AREG: variants seen among roughly 807,000 people sequenced by gnomAD.
The protein encoded by AREG is amphiregulin.
In AREG, 16 loss-of-function variants were observed where a neutral mutation model predicts 28.0. The observed-to-expected ratio is 0.57, with a 90% CI of 0.39 to 0.87. The LOEUF is 0.87. Ranked by LOEUF, AREG falls within the 40% of genes least tolerant of loss-of-function variation. The pLI is 0.00. For missense variants in AREG, 287 were observed against 309.1 expected (o/e 0.93, Z 0.53); for synonymous variants, 113 against 113.5 (o/e 1.00, Z 0.02).
At chr4:74,451,614 C>CT (rs917966687) in intron 4 of AREG, among the ~76,000 whole-genome samples, 1 of 152,126 alleles carries the variant, frequency 6.6e-6, no homozygotes, top group Non-Finnish European at 1.5e-5. Context: ...AGAATTTGTC[C>CT]TGGTTTTCTA....
chr4:74,446,689 A>G lies in AREG; in HGVS notation c.217A>G (p.Ser73Gly). ...CCCTGTGAGTGAAATGCCTTCTAGTAGTGAACCGTCCTCGGGAGCCGACTA... is the reference window on the plus strand; with the variant it reads ...CCCTGTGAGTGAAATGCCTTCTAGTGGTGAACCGTCCTCGGGAGCCGACTA... ...ISPVSEMPSS[S>G]EPSSGADYDY... Residue 73 changes from serine (S) to glycine (G), a missense_variant, in exon 2 of 6, where the codon AGT (serine) becomes GGT (glycine). By Grantham distance (56) the Ser-to-Gly change is moderately conservative. Transcript: ENST00000395748. 1 of 1,613,948 alleles carries G rather than the reference A, an allele frequency of 6.2e-7. No homozygotes were observed. Among genetic ancestry groups the G allele is most frequent in the Non-Finnish European group, 8.5e-7 (1 of 1,179,848 alleles).
In AREG at chr4:74,445,220, C is replaced by A; in HGVS notation, c.-126C>A. 6.6e-7 allele frequency: 1 copy of A among 1,522,842 alleles called. No individual in the cohort carries two copies. The highest frequency in any genetic ancestry group is 8.8e-7 in the Non-Finnish European group (1 of 1,130,622). The allele number at this position is 1,522,842 out of a possible 1,614,324, so 94.3% of individuals were successfully genotyped here. A position where few individuals can be genotyped will look rare whatever the true frequency, so the allele number is the denominator to read the frequency against. On this transcript the variant is annotated 5_prime_UTR_variant, in exon 1 of 6. Coordinates refer to ENST00000395748, the MANE Select transcript of AREG (RefSeq NM_001657.4). ...CGCCCGCCGCCCCGAGCTCCCCAAG[C>A]CTTCGAGAGCGGCGCACACTCCCGG... is the stretch of plus-strand genomic sequence containing the variant.
At position 74,445,341 on chromosome 4, in the gene AREG, G is replaced by A. The variant is rs545611903; in HGVS notation, c.-5G>A. Reference sequence around the variant, plus strand: ...AGACCGAGACGCCGCCGCTGCGAAGGACCAATGAGAGCCCCGCTGCTACCG... The same window carrying A: ...AGACCGAGACGCCGCCGCTGCGAAGAACCAATGAGAGCCCCGCTGCTACCG... On this transcript the variant is annotated 5_prime_UTR_variant, in exon 1 of 6. Transcript: ENST00000395748. 947 of 1,610,180 alleles carry A rather than the reference G, an allele frequency of 5.9e-4. 12 individuals are homozygous for A. The East Asian group carries it at 0.02, about 35-fold the overall frequency.
intron 4 of AREG, among the ~76,000 whole-genome samples, chr4:74,452,044 C>A (rs926650497): frequency 6.6e-6 from 1 of 151,934 alleles, no homozygotes; most frequent in Middle Eastern, 3.2e-3. Context: ...TATACAACAA[C>A]AAGAAGTTTT....
chr4:74,446,904 G>GC, intron 2 of AREG, 122 bp downstream of exon 2: 1 of 1,588,706 alleles, frequency 6.3e-7, no homozygotes, highest in Non-Finnish European at 8.6e-7. Context: ...CTGTTGGATA[G>GC]CCCCTAGGTA....
intron 5 of AREG, among the ~76,000 whole-genome samples, chr4:74,453,990 A>G (rs1297074459): frequency 6.6e-6 from 1 of 152,050 alleles, no homozygotes; most frequent in Non-Finnish European, 1.5e-5. Context: ...CCAGCCCTAA[A>G]TCTACTGAAT....
chr4:74,445,670 C>G (rs969880498), intron 1 of AREG, among the ~76,000 whole-genome samples: 3 of 152,168 alleles, frequency 2.0e-5, no homozygotes, highest in Admixed American at 6.5e-5. Context: ...CCTAACCCTT[C>G]GTTTCACAGA....
chr4:74,451,083 G>A (rs978637210), intron 4 of AREG, among the ~76,000 whole-genome samples: 43 of 152,222 alleles, frequency 2.8e-4, no homozygotes, highest in Non-Finnish European at 5.4e-4. Flanking sequence ...TGTTACTATC[G>A]AATATGAGAA....
rs927570465 is a variant in AREG, at chr4:74,446,794, A to T, written c.310+12A>T. ...TGATTCAGTCAGAGGTGAGTAGGGGATAAAGCAAAAATATGGCCTGTGAGA... is the reference window on the plus strand; with the variant it reads ...TGATTCAGTCAGAGGTGAGTAGGGGTTAAAGCAAAAATATGGCCTGTGAGA... On this transcript the variant is annotated intron_variant, in intron 2 of 5. Transcript: ENST00000395748. The T allele has an allele frequency of 1.2e-6, 2 of 1,613,842 alleles. No homozygotes were observed. The highest frequency in any genetic ancestry group is 1.7e-6 in the Non-Finnish European group (2 of 1,179,864).
At chr4:74,446,854 A>G (rs940424838) in intron 2 of AREG, 72 bp downstream of exon 2, 46 of 1,611,886 alleles carry the variant, frequency 2.9e-5, no homozygotes, top group Non-Finnish European at 3.7e-5. Context: ...CTTCAGAAGT[A>G]AAGCTGCTCC....
intron 2 of AREG, 120 bp downstream of exon 2, chr4:74,446,902 TA>T: frequency 6.3e-7 from 1 of 1,592,872 alleles, no homozygotes; most frequent in Non-Finnish European, 8.6e-7. Flanking sequence ...ATCTGTTGGA[TA>T]GCCCCTAGGT....
At chr4:74,449,994 AG>A (rs1719357113) in intron 3 of AREG, among the ~76,000 whole-genome samples, 1 of 151,980 alleles carries the variant, frequency 6.6e-6, no homozygotes, top group South Asian at 2.1e-4. Context: ...CCTTTAAAAA[AG>A]GACCTAAAGG....
chr4:74,445,805 CT>C (rs1719272625), intron 1 of AREG, among the ~76,000 whole-genome samples: 1 of 152,122 alleles, frequency 6.6e-6, no homozygotes, highest in African/African-American at 2.4e-5. Context: ...CTTTACCTTC[CT>C]AGAGGGACTT....
intron 5 of AREG, among the ~76,000 whole-genome samples, chr4:74,453,281 A>C (rs1241873895): frequency 6.6e-6 from 1 of 152,222 alleles, no homozygotes; most frequent in Non-Finnish European, 1.5e-5. Context: ...GAGGGCATGG[A>C]GACAGACAAT....
rs1003677334 is a variant in AREG at position 74,449,149 on chromosome 4, G to T, written c.413G>T (p.Arg138Ile). The change falls in exon 3 of 6, where the codon AGA becomes ATA. Residue 138 changes from arginine (R) to isoleucine (I), a missense_variant. Coordinates refer to ENST00000395748, the MANE Select transcript of AREG (RefSeq NM_001657.4). ...GGAGGCAAAAATGGAAAAAATAGAA[G>T]AAACAGAAAGAAGAAAAATCCATGT... ...KKGGKNGKNR[R>I]NRKKKNPCNA... 6.2e-7 allele frequency: 1 copy of T among 1,612,318 alleles called. No homozygotes were observed. Among genetic ancestry groups the T allele is most frequent in the Non-Finnish European group, 8.5e-7 (1 of 1,179,630 alleles).
At chr4:74,452,841 A>T (rs887695151) in intron 5 of AREG, among the ~76,000 whole-genome samples, 186 bp downstream of exon 5, 3 of 152,186 alleles carry the variant, frequency 2.0e-5, no homozygotes, top group African/African-American at 7.2e-5. Context: ...TACGTGTTTA[A>T]TAAGTATTAT....
At position 74,445,231 on chromosome 4, in the gene AREG, G is replaced by A. The variant is rs892121445; in HGVS notation, c.-115G>A. On this transcript the variant is annotated 5_prime_UTR_variant, in exon 1 of 6. Coordinates refer to ENST00000395748, the MANE Select transcript of AREG (RefSeq NM_001657.4). Reference sequence around the variant, plus strand: ...CCGAGCTCCCCAAGCCTTCGAGAGCGGCGCACACTCCCGGTCTCCACTCGC... The same window carrying A: ...CCGAGCTCCCCAAGCCTTCGAGAGCAGCGCACACTCCCGGTCTCCACTCGC... 2.0e-6 allele frequency: 3 copies of A among 1,534,442 alleles called. No individual in the cohort carries two copies. The highest frequency in any genetic ancestry group is 2.8e-5 in the African/African-American group (2 of 72,652).
At chr4:74,451,450 A>G (rs1213563102) in intron 4 of AREG, among the ~76,000 whole-genome samples, 1 of 152,242 alleles carries the variant, frequency 6.6e-6, no homozygotes, top group African/African-American at 2.4e-5. Context: ...TACATGATCT[A>G]CCACGACTAC....
At position 74,449,123 on chromosome 4, in the gene AREG, G is replaced by T; in HGVS notation, c.387G>T (p.Lys129Asn). 1 of 1,612,160 alleles carries T rather than the reference G, an allele frequency of 6.2e-7. No homozygotes were observed. The highest frequency in any genetic ancestry group is 8.5e-7 in the Non-Finnish European group (1 of 1,179,598). The change falls in exon 3 of 6, where the codon AAG becomes AAT. Residue 129 changes from lysine (K) to asparagine (N), a missense_variant. Lys to Asn is a moderately conservative substitution (Grantham distance 94). Coordinates refer to ENST00000395748, the MANE Select transcript of AREG (RefSeq NM_001657.4). ...NTSDKPKRKK[K>N]GGKNGKNRRN... is the part of the protein sequence containing the mutation. ...CAGATAAACCCAAAAGAAAGAAAAA[G>T]GGAGGCAAAAATGGAAAAAATAGAA...
Sources: gnomAD v4.1 joint callset for allele counts (sites outside exome capture counted in the v4.1 genomes callset) on GRCh38, gnomAD v4.1.1 for gene constraint, MANE v1.5 for transcripts, NCBI Gene and HGNC (gene_info 2026-07-23, HGNC 2026-07-21) for gene names.